Variants in CARS2 observed in about 807,000 individuals in gnomAD.
The protein encoded by CARS2 is probable cysteine--tRNA ligase, mitochondrial.
In CARS2, 52 loss-of-function variants were observed where a neutral mutation model predicts 68.8. The observed-to-expected ratio is 0.76, with a 90% confidence interval of 0.61 to 0.95. The LOEUF (loss-of-function observed/expected upper bound fraction) is 0.95. Ranked by LOEUF, CARS2 falls within the 40% of genes least tolerant of loss-of-function variation. The pLI is 0.00. For synonymous variants in CARS2, 314 were observed against 303.6 expected (o/e 1.03, Z -0.36); for missense variants, 780 against 754.2 (o/e 1.03, Z -0.40).
At position 110,697,150 on chromosome 13, in the gene CARS2, G is replaced by A. The variant is rs535372979; in HGVS notation, c.393+4288C>T. 3.9e-5 allele frequency among the ~76,000 whole-genome samples: 6 copies of A among 152,372 alleles called. No individual in the cohort carries two copies. The South Asian group carries it at 1.2e-3, about 32-fold the overall frequency. The stretch of plus-strand genomic sequence containing the variant: ...TTTCATTTCAGGCTCTGGCTGCCCC[G>A]ACGGCAGGTGAAAGCCCCGAACCAC... On this transcript the variant is annotated intron_variant, in intron 3 of 14. Transcript: ENST00000257347.
intron 5 of CARS2, 89 bp downstream of exon 5, chr13:110,687,632 T>C (rs2063337661): frequency 2.6e-6 from 2 of 765,704 alleles, no homozygotes; most frequent in Admixed American, 4.9e-5. Flanking sequence ...TGAGCTGAGA[T>C]AGCACCACTG....
Position 110,663,517 on chromosome 13 carries a change from C to T in CARS2, c.921G>A (p.Gly307=). Residue 307 remains glycine, a splice_region_variant and synonymous_variant, in exon 9 of 15, where the codon GGG becomes GGA. Transcript: ENST00000257347. ...EQWGNYFLHS[G]HLHAKGKEEK... is the part of the protein sequence containing the mutation. ...CTTCTTTGCCTTTGGCGTGCAAATG[C>T]CCTGAAACAAAAACAAAAGCATTCA... 1 of 1,613,710 alleles carries T rather than the reference C, an allele frequency of 6.2e-7. No individual in the cohort carries two copies. The highest frequency in any genetic ancestry group is 1.1e-5 in the South Asian group (1 of 91,002).
In CARS2 at chr13:110,668,185, C is replaced by T. The variant is rs771208397; in HGVS notation, c.786-712G>A. Among the ~76,000 whole-genome samples, 16 of 152,190 alleles carry T rather than the reference C, an allele frequency of 1.1e-4. No homozygotes were observed. The highest frequency in any genetic ancestry group is 1.9e-4 in the East Asian group (1 of 5,204). ...CCTGTGCTCGGGGAAGCACTGCACA[C>T]GGAGGTCTCGAGCCTGGGGAAACAG... On this transcript the variant is annotated intron_variant, in intron 7 of 14. Transcript: ENST00000257347. This position sits in a 1 kb window ranked among gnomAD's most constrained non-coding sequence, Gnocchi z 4.1.
chr13:110,704,404 G>C (rs1324387343), intron 2 of CARS2, among the ~76,000 whole-genome samples: 2 of 152,194 alleles, frequency 1.3e-5, no homozygotes. Context: ...TTAGCCCAAA[G>C]TAAAGGGGAA....
Position 110,668,541 on chromosome 13 carries a change from C to CA in CARS2, c.786-1069dup, listed in dbSNP as rs11370567. On this transcript the variant is annotated intron_variant, in intron 7 of 14. Transcript: ENST00000257347. This position sits in a 1 kb window ranked among gnomAD's most constrained non-coding sequence, Gnocchi z 4.1. ...TGGGTGACAGAGCGAGACTCCGTCT[C>CA]AAAAAAAAAAAAAGATTTTTACATC... Among the ~76,000 whole-genome samples the CA allele has an allele frequency of 0.77, 110,963 of 143,822 alleles. 42,911 individuals are homozygous for CA. The highest frequency in any genetic ancestry group is 0.84 in the Middle Eastern group (231 of 274). 94.4% of individuals were successfully genotyped at this position (143,822 alleles called of 152,430 possible).
At chr13:110,690,217 G>T (rs1267822682) in intron 3 of CARS2, among the ~76,000 whole-genome samples, 1 of 152,128 alleles carries the variant, frequency 6.6e-6, no homozygotes, top group African/African-American at 2.4e-5. Context: ...GACAGAGCGA[G>T]ATCCTGTCTC....
rs947884400 is a variant in CARS2 at position 110,705,744 on chromosome 13, C to CA, written c.224+125dup. On this transcript the variant is annotated intron_variant, in intron 1 of 14. Transcript: ENST00000257347. The surrounding 1 kb of genome is among the most constrained non-coding windows in gnomAD (Gnocchi z 4.0). ...AACCTGCAAAAGCACCGCGCACCCC[C>CA]AGCTTCTAGAACGGCGCCCTCCATG... 31 of 1,537,254 alleles carry CA rather than the reference C, an allele frequency of 2.0e-5. No individual in the cohort carries two copies. Among genetic ancestry groups the CA allele is most frequent in the Non-Finnish European group, 2.6e-5 (30 of 1,144,870 alleles).
In CARS2 at chr13:110,705,979, C is replaced by T. The variant is rs1330266756; in HGVS notation, c.115G>A (p.Gly39Arg). 2.0e-6 allele frequency: 3 copies of T among 1,510,104 alleles called. No homozygotes were observed. The highest frequency in any genetic ancestry group is 2.6e-5 in the East Asian group (1 of 37,846). The allele number at this position is 1,510,104 out of a possible 1,614,324, so 93.5% of individuals were successfully genotyped here. A position where few individuals can be genotyped will look rare whatever the true frequency, so the allele number is the denominator to read the frequency against. The part of the protein sequence containing the change: ...PAGRAASGGR[G>R]RAWLQPTGRE... ...CCCGTGGGCTGCAGCCAGGCCCGCC[C>T]GCGCCCCCCGCTCGCCGCCCGGCCC... Residue 39 changes from glycine to arginine, a missense_variant, in exon 1 of 15, where the codon GGG (glycine) becomes AGG (arginine). Physicochemically the swap from Gly to Arg is moderately radical, Grantham distance 125. Transcript: ENST00000257347. This position sits in a 1 kb window ranked among gnomAD's most constrained non-coding sequence, Gnocchi z 4.0.
intron 9 of CARS2, among the ~76,000 whole-genome samples, chr13:110,658,462 T>A (rs956042115): frequency 1.3e-5 from 2 of 152,198 alleles, no homozygotes; most frequent in Non-Finnish European, 2.9e-5. Context: ...AATGTGAACA[T>A]ATTAACACTA....
chr13:110,700,866 G>A (rs1252299487), intron 3 of CARS2, among the ~76,000 whole-genome samples: 2 of 152,148 alleles, frequency 1.3e-5, no homozygotes, highest in Admixed American at 6.5e-5. Flanking sequence ...GCCAGGAGAC[G>A]ACCACAGAAG....
Position 110,665,834 on chromosome 13 carries a change from T to G in CARS2, c.919+1506A>C. ...GCTGCGGACCAGAAAACCGGAGCAC[T>G]TCTGCATTTAATGTCACCTTACTGT... On this transcript the variant is annotated intron_variant, in intron 8 of 14. Coordinates refer to ENST00000257347, the MANE Select transcript of CARS2 (RefSeq NM_024537.4). This position sits in a 1 kb window ranked among gnomAD's most constrained non-coding sequence, Gnocchi z 4.3. 2 of 985,374 alleles carry G rather than the reference T, an allele frequency of 2.0e-6. No individual in the cohort carries two copies. Among genetic ancestry groups the G allele is most frequent in the Non-Finnish European group, 2.4e-6 (2 of 829,912 alleles). 61.0% of individuals were successfully genotyped at this position (985,374 alleles called of 1,614,324 possible).
exon 1 of CARS2, chr13:110,713,372 C>T (rs543602000): frequency 7.6e-6 from 8 of 1,055,292 alleles, no homozygotes; most frequent in Non-Finnish European, 9.2e-6. Flanking sequence ...GCAGGCCGCT[C>T]CCCTGCGTTT....
intron 7 of CARS2, among the ~76,000 whole-genome samples, chr13:110,675,316 C>T (rs2062914425): frequency 1.3e-5 from 2 of 152,176 alleles, no homozygotes; most frequent in East Asian, 1.9e-4. Flanking sequence ...CCCAAATGTC[C>T]ACCAATGATA....
In CARS2 at chr13:110,658,650, C is replaced by T. The variant is rs118103368; in HGVS notation, c.987+4801G>A. On this transcript the variant is annotated intron_variant, in intron 9 of 14. Transcript: ENST00000257347. ...ATAACTGGAGAAAACAGGCCAGGCG[C>T]AGTGACTCATGCCTGTGATCCCAGC... Among the ~76,000 whole-genome samples, 809 of 152,252 alleles carry T rather than the reference C, an allele frequency of 5.3e-3. 18 individuals carry two copies. In the South Asian group the frequency reaches 0.057, roughly 11 times the overall value.
rs889638256 is a variant in CARS2, at chr13:110,669,703, C to A, written c.786-2230G>T. Among the ~76,000 whole-genome samples, 7 of 152,146 alleles carry A rather than the reference C, an allele frequency of 4.6e-5. 1 individual carries two copies. The highest frequency in any genetic ancestry group is 8.8e-5 in the Non-Finnish European group (6 of 68,030). On this transcript the variant is annotated intron_variant, in intron 7 of 14. Transcript: ENST00000257347. ...CAACTGAGGTACTGGCTTCATCTCA[C>A]TGGGGCTCGTCAGACAGTGGGTGCA...
rs1053089243 is a variant in CARS2 at position 110,665,628 on chromosome 13, A to T, written c.919+1712T>A. ...AGCAGGTCATGGTTGTCAGTAACAA[A>T]CCCTGACCTACTGAACAGGATAAAC... is the stretch of plus-strand genomic sequence containing the variant. On this transcript the variant is annotated intron_variant, in intron 8 of 14. Coordinates refer to ENST00000257347, the MANE Select transcript of CARS2 (RefSeq NM_024537.4). This position sits in a 1 kb window ranked among gnomAD's most constrained non-coding sequence, Gnocchi z 4.3. 1.0e-6 allele frequency: 1 copy of T among 985,266 alleles called. No individual in the cohort carries two copies. The highest frequency in any genetic ancestry group is 1.2e-6 in the Non-Finnish European group (1 of 829,948). 61.0% of individuals were successfully genotyped at this position (985,266 alleles called of 1,614,324 possible).
At chr13:110,708,404 A>T (rs1467827567), upstream of CARS2, among the ~76,000 whole-genome samples, 1 of 152,274 alleles carries the variant, frequency 6.6e-6, no homozygotes, top group Non-Finnish European at 1.5e-5. Context: ...GAGATTCTGA[A>T]AGCAGCTTAG....
upstream of CARS2, among the ~76,000 whole-genome samples, chr13:110,709,479 TC>T (rs1476962633): frequency 2.0e-5 from 3 of 152,148 alleles, no homozygotes; most frequent in Non-Finnish European, 4.4e-5. Context: ...AGAAATGTGA[TC>T]TTTTTGCATA....
chr13:110,684,565 C>A (rs1454322858), intron 5 of CARS2, among the ~76,000 whole-genome samples: 1 of 151,322 alleles, frequency 6.6e-6, no homozygotes, highest in Non-Finnish European at 1.5e-5. Context: ...CCAAGCCACA[C>A]TGGCCTTTCC....
Sources: allele counts gnomAD v4.1 joint callset (sites outside exome capture counted in the v4.1 genomes callset), GRCh38; gene constraint gnomAD v4.1.1; non-coding constraint Gnocchi (gnomAD v3.1); transcripts MANE v1.5; gene names NCBI Gene and HGNC (gene_info 2026-07-23, HGNC 2026-07-21).